The following OR1J2 variants were observed in gnomAD, a reference collection of about 807,000 sequenced individuals.
The protein encoded by OR1J2 is olfactory receptor 1J2.
For synonymous variants in OR1J2, 142 were observed against 99.7 expected, an observed-to-expected ratio of 1.42 and a Z score of -2.52; for missense variants, 304 against 246.1, an observed-to-expected ratio of 1.24 and a Z score of -1.57.
chr9:122,478,250 G>A, the OR1J2 span, among the ~76,000 whole-genome samples: 1 of 152,188 alleles, frequency 6.6e-6, no homozygotes, highest in East Asian at 1.9e-4. Flanking sequence ...TATGAGCTGG[G>A]TGGTACTGTT....
the OR1J2 span, among the ~76,000 whole-genome samples, chr9:122,536,657 A>G: frequency 9.2e-5 from 14 of 152,158 alleles, no homozygotes; most frequent in Non-Finnish European, 5.9e-5. Context: ...AGATGTAAAT[A>G]TTCTCCCAGA....
the OR1J2 span, among the ~76,000 whole-genome samples, chr9:122,539,564 G>A: frequency 0.077 from 11,721 of 152,078 alleles, 507 homozygotes; most frequent in Non-Finnish European, 0.096. Context: ...GAATAGTGCC[G>A]CAATAAACAT....
chr9:122,574,302 G>A, the OR1J2 span, among the ~76,000 whole-genome samples: 1 of 152,142 alleles, frequency 6.6e-6, no homozygotes, highest in Non-Finnish European at 1.5e-5. Context: ...CAGGAGAATT[G>A]ACCTTTTGAT....
chr9:122,450,841 A>G, the OR1J2 span, among the ~76,000 whole-genome samples: 35 of 152,268 alleles, frequency 2.3e-4, no homozygotes, highest in East Asian at 6.6e-3. Flanking sequence ...AAGTGAGATC[A>G]TGTGGTATCT....
the OR1J2 span, among the ~76,000 whole-genome samples, chr9:122,575,397 CTTTT>C: frequency 1.3e-5 from 2 of 151,988 alleles, no homozygotes; most frequent in Admixed American, 1.3e-4. Flanking sequence ...TTCATCATTT[CTTTT>C]TGTGTGCATT....
chr9:122,519,106 G>T, the OR1J2 span: 2 of 1,420,172 alleles, frequency 1.4e-6, no homozygotes, highest in Admixed American at 4.0e-5. Context: ...CTTTTTCAAT[G>T]TCCCTCTATT....
At chr9:122,526,353 C>A in the OR1J2 span, 4,853 of 1,464,892 alleles carry the variant, frequency 3.3e-3, 18 homozygotes, top group Middle Eastern at 0.013. Flanking sequence ...TTGCTGTCAC[C>A]ACATCTAAGA....
At chr9:122,481,577 G>A in the OR1J2 span, among the ~76,000 whole-genome samples, 3 of 152,100 alleles carry the variant, frequency 2.0e-5, no homozygotes, top group Admixed American at 1.3e-4. Context: ...AATGAAGTCC[G>A]AATGGCCAAT....
chr9:122,527,087 C>G, the OR1J2 span: 1 of 1,614,170 alleles, frequency 6.2e-7, no homozygotes, highest in South Asian at 1.1e-5. Context: ...ACGTTAAACC[C>G]ATGTCAACAA....
chr9:122,464,265 A>G, the OR1J2 span, among the ~76,000 whole-genome samples: 3 of 152,202 alleles, frequency 2.0e-5, no homozygotes, highest in African/African-American at 7.2e-5. Flanking sequence ...CATGCAGCCC[A>G]CAGCCTGAAA....
At chr9:122,519,424 C>G in the OR1J2 span, 237 of 1,614,072 alleles carry the variant, frequency 1.5e-4, no homozygotes, top group Non-Finnish European at 1.9e-4. Context: ...ATTCTTTATG[C>G]AGGGTGTGTA....
chr9:122,464,754 A>G, the OR1J2 span, among the ~76,000 whole-genome samples: 10 of 152,120 alleles, frequency 6.6e-5, no homozygotes, highest in South Asian at 4.2e-4. Context: ...GCCCAGGTAA[A>G]TCATCTCTCA....
At chr9:122,527,915 T>C in the OR1J2 span, among the ~76,000 whole-genome samples, 2 of 152,192 alleles carry the variant, frequency 1.3e-5, no homozygotes, top group African/African-American at 2.4e-5. Context: ...CCTTTAATCC[T>C]TAAACAACAC....
At chr9:122,561,742 C>T in the OR1J2 span, among the ~76,000 whole-genome samples, 1 of 152,248 alleles carries the variant, frequency 6.6e-6, no homozygotes, top group East Asian at 1.9e-4. Flanking sequence ...TTGAGGGGCA[C>T]CGACCTAATG....
chr9:122,535,277 C>T, the OR1J2 span, among the ~76,000 whole-genome samples: 3 of 152,166 alleles, frequency 2.0e-5, no homozygotes, highest in South Asian at 4.1e-4. Context: ...GCCCCTCCCC[C>T]AGAAAAGCAG....
the OR1J2 span, among the ~76,000 whole-genome samples, chr9:122,539,055 C>T: frequency 1.2e-3 from 183 of 152,184 alleles, no homozygotes; most frequent in African/African-American, 4.3e-3. Context: ...ACACCTATCT[C>T]TCGGTCTCTG....
chr9:122,472,953 G>A, the OR1J2 span, among the ~76,000 whole-genome samples: 2 of 152,304 alleles, frequency 1.3e-5, no homozygotes, highest in African/African-American at 4.8e-5. Flanking sequence ...ACTGAACTTA[G>A]TTTATAAAAC....
chr9:122,457,371 A>AT, the OR1J2 span, among the ~76,000 whole-genome samples: 1 of 152,300 alleles, frequency 6.6e-6, no homozygotes, highest in African/African-American at 2.4e-5. Context: ...GGAACTTAAA[A>AT]TAAGACAAAA....
chr9:122,544,344 A>G, the OR1J2 span, among the ~76,000 whole-genome samples: 1 of 151,888 alleles, frequency 6.6e-6, no homozygotes, highest in Admixed American at 6.6e-5. Flanking sequence ...TAGGTTTTAA[A>G]AGCTCTATTT....
Sources: gnomAD v4.1 joint callset for allele counts (sites outside exome capture counted in the v4.1 genomes callset) on GRCh38, gnomAD v4.1.1 for gene constraint, MANE v1.5 for transcripts, NCBI Gene and HGNC (gene_info 2026-07-23, HGNC 2026-07-21) for gene names.